Variants in CSAD observed in about 807,000 individuals in gnomAD.
CSAD encodes the protein cysteine sulfinic acid decarboxylase.
In CSAD, 47 loss-of-function variants were observed where a neutral mutation model predicts 61.5. The ratio of observed to expected loss-of-function variants is 0.76; its 90% confidence interval spans 0.60 to 0.97. The LOEUF (loss-of-function observed/expected upper bound fraction) is 0.97. CSAD is among the 50% of genes least tolerant of loss of function. The pLI, the probability that CSAD is intolerant of heterozygous loss-of-function variation, is 0.00. For synonymous variants in CSAD, 245 were observed against 252.7 expected (o/e 0.97, Z 0.29); for missense variants, 611 against 643.6 (o/e 0.95, Z 0.55).
chr12:53,173,986 G>C, intron 2 of CSAD: 2 of 567,022 alleles, frequency 3.5e-6, no homozygotes, highest in Non-Finnish European at 6.3e-6. Flanking sequence ...CTGTAGATTT[G>C]TCTAGTCTGG....
At chr12:53,164,431 G>A in intron 10 of CSAD, 1 of 199,334 alleles carries the variant, frequency 5.0e-6, no homozygotes, top group Non-Finnish European at 1.1e-5. Context: ...GTCCTCTGCA[G>A]CAACATGGAT....
chr12:53,158,079 G>A lies in CSAD; in HGVS notation c.*432C>T. 6.6e-6 allele frequency: 1 copy of A among 152,512 alleles called. No individual in the cohort carries two copies. The highest frequency in any genetic ancestry group is 1.5e-5 in the Non-Finnish European group (1 of 68,314). The allele number at this position is 152,512 out of a possible 1,614,324, so 9.4% of individuals were successfully genotyped here. On this transcript the variant is annotated 3_prime_UTR_variant, in exon 17 of 17. Coordinates refer to ENST00000444623, the MANE Select transcript of CSAD (RefSeq NM_001244705.2). ...CCTAAAATCAAATATTTAGTTAGGA[G>A]AAAGTTAGTAGGTCAAAGCATATAA...
At chr12:53,180,081 G>A (rs1941448294) in intron 1 of CSAD, 3 of 1,392,564 alleles carry the variant, frequency 2.2e-6, no homozygotes, top group South Asian at 1.6e-5. Context: ...AGGAGGGCTG[G>A]GGCTTTGACT....
At chr12:53,173,159 G>A in intron 4 of CSAD, 186 bp downstream of exon 4, 1 of 573,812 alleles carries the variant, frequency 1.7e-6, no homozygotes, top group Non-Finnish European at 3.0e-6. Flanking sequence ...AGTGAGCCAA[G>A]ATTGTGCCAC....
At chr12:53,161,465 T>C in intron 10 of CSAD, 76 bp from the exon 11 acceptor site, 1 of 1,230,486 alleles carries the variant, frequency 8.1e-7, no homozygotes, top group Non-Finnish European at 1.2e-6. Context: ...TGGGCCCAGC[T>C]CTAAGCTCTT....
chr12:53,178,216 T>C (rs1032073051), intron 2 of CSAD: 1 of 338,288 alleles, frequency 3.0e-6, no homozygotes, highest in Non-Finnish European at 5.9e-6. Flanking sequence ...CTCAATCCTG[T>C]AATCCTAGCA....
intron 8 of CSAD, 173 bp from the exon 9 acceptor site, chr12:53,170,675 C>T: frequency 1.6e-6 from 1 of 630,368 alleles, no homozygotes. Flanking sequence ...GGTTCTGGTC[C>T]ACTAGGTCTG....
At chr12:53,160,975 C>A in intron 12 of CSAD, 131 bp from the exon 13 acceptor site, 1 of 1,109,276 alleles carries the variant, frequency 9.0e-7, no homozygotes, top group Non-Finnish European at 1.3e-6. Context: ...GGAAGAACTG[C>A]CATGTCTGAC....
At chr12:53,160,447 C>T (rs1022896742) in intron 13 of CSAD, 128 bp from the exon 14 acceptor site, 14 of 950,620 alleles carry the variant, frequency 1.5e-5, no homozygotes, top group Admixed American at 6.3e-5. Flanking sequence ...ACTGCTGGGA[C>T]GGCTGCCTGC....
At chr12:53,173,826 A>T in intron 2 of CSAD, 56 bp from the exon 3 acceptor site, 3 of 1,574,418 alleles carry the variant, frequency 1.9e-6, no homozygotes, top group Non-Finnish European at 2.6e-6. Flanking sequence ...TGTACAATTA[A>T]GTGTTTTTTT....
chr12:53,171,531 T>A (rs1940579674), intron 7 of CSAD, 90 bp from the exon 8 acceptor site: 2 of 1,297,120 alleles, frequency 1.5e-6, no homozygotes, highest in African/African-American at 1.5e-5. Context: ...GAAGAGCTCA[T>A]CAAAGAAGCA....
intron 10 of CSAD, 85 bp downstream of exon 10, chr12:53,169,987 G>A (rs984251059): frequency 5.1e-6 from 6 of 1,186,612 alleles, no homozygotes; most frequent in Non-Finnish European, 7.5e-6. Flanking sequence ...CGAGAGGGAT[G>A]AAGGATGCCT....
At chr12:53,169,920 C>A in intron 10 of CSAD, 152 bp downstream of exon 10, 1 of 684,178 alleles carries the variant, frequency 1.5e-6, no homozygotes, top group Non-Finnish European at 2.6e-6. Flanking sequence ...AATGTAGTGT[C>A]CTCACCCCCA....
At position 53,174,194 on chromosome 12, in the gene CSAD, G is replaced by A. The variant is rs552616994; in HGVS notation, c.-49-424C>T. Among the ~76,000 whole-genome samples the A allele has an allele frequency of 4.6e-5, 7 of 150,928 alleles. No individual in the cohort carries two copies. The East Asian group carries it at 1.4e-3, about 29-fold the overall frequency. On this transcript the variant is annotated intron_variant, in intron 2 of 16. Coordinates refer to ENST00000444623, the MANE Select transcript of CSAD (RefSeq NM_001244705.2). ...TGGCGGGCCCCTGTAGTCCCAGCTA[G>A]CTACTCTGGAGGCTGAGGCAGGAGA...
At position 53,170,404 on chromosome 12, in the gene CSAD, T is replaced by A; in HGVS notation, c.647+19A>T. ...TGTGCAAAGCTAGGTCACAGCCATG[T>A]GGGCAGAAGGACCTTCACCTCTCAT... On this transcript the variant is annotated intron_variant, in intron 9 of 16. Coordinates refer to ENST00000444623, the MANE Select transcript of CSAD (RefSeq NM_001244705.2). 1.9e-6 allele frequency: 3 copies of A among 1,610,530 alleles called. No individual in the cohort carries two copies. The highest frequency in any genetic ancestry group is 2.5e-6 in the Non-Finnish European group (3 of 1,176,718).
rs1325061894 is a variant in CSAD, at chr12:53,161,325, A to G, written c.767T>C (p.Leu256Pro). 1 of 1,614,102 alleles carries G rather than the reference A, an allele frequency of 6.2e-7. No homozygotes were observed. Among genetic ancestry groups the G allele is most frequent in the Non-Finnish European group, 8.5e-7 (1 of 1,180,016 alleles). Residue 256 changes from leucine to proline, a missense_variant, in exon 11 of 17, where the codon CTG becomes CCG. Leu to Pro is a moderately conservative substitution (Grantham distance 98, BLOSUM62 -3). Transcript: ENST00000444623. ...CTGGCACACATCAGCAATTGCCTCC[A>G]GGGGGTCAAAGGCCCCTAGCACAGT... ...GTTVLGAFDP[L>P]EAIADVCQRH...
Position 53,173,384 on chromosome 12 carries a change from C to T in CSAD, c.87G>A (p.Val29=), listed in dbSNP as rs766657444. The T allele has an allele frequency of 8.1e-6, 13 of 1,614,108 alleles. No homozygotes were observed. Among genetic ancestry groups the T allele is most frequent in the Non-Finnish European group, 1.0e-5 (12 of 1,180,050 alleles). Residue 29 remains valine (V), a synonymous_variant, in exon 4 of 17, where the codon GTG becomes GTA. Transcript: ENST00000444623. ...ALLRAVFGVV[V]DEAIQKGTSV... ...TGGTTCCTTTCTGAATGGCCTCATC[C>T]ACAACAACCCCAAACACGGCCCGGA...
At chr12:53,160,699 T>C in intron 13 of CSAD, 64 bp downstream of exon 13, 2 of 1,344,768 alleles carry the variant, frequency 1.5e-6, no homozygotes, top group South Asian at 2.5e-5. Context: ...TTATCTAAGG[T>C]GGGATAGAGA....
chr12:53,169,925 C>A, intron 10 of CSAD, 147 bp downstream of exon 10: 2 of 705,514 alleles, frequency 2.8e-6, no homozygotes, highest in Non-Finnish European at 5.0e-6. Flanking sequence ...AGTGTCCTCA[C>A]CCCCAGGCTC....
Sources: allele counts gnomAD v4.1 joint callset (sites outside exome capture counted in the v4.1 genomes callset), GRCh38; gene constraint gnomAD v4.1.1; transcripts MANE v1.5; gene names NCBI Gene and HGNC (gene_info 2026-07-23, HGNC 2026-07-21).